Variants in NTRK3 observed in about 807,000 individuals in gnomAD.
NTRK3 encodes neurotrophic receptor tyrosine kinase 3, also known as NT-3 growth factor receptor.
A neutral mutation model predicts 91.7 loss-of-function variants in NTRK3; 24 were observed. The observed-to-expected ratio is 0.26, with a 90% CI of 0.19 to 0.37. The LOEUF is 0.37. Among genes scored for constraint, NTRK3 ranks in the 10% least tolerant of loss-of-function variants. The probability of loss-of-function intolerance (pLI) is 1.00; values close to 1 mark genes in which losing one functional copy is unlikely to be tolerated. For missense variants in NTRK3, 880 were observed against 1,068.9 expected (o/e 0.82, Z 2.46); for synonymous variants, 483 against 404.0 (o/e 1.20, Z -2.34).
At chr15:88,129,944 T>C (rs927155677) in intron 10 of NTRK3, among the ~76,000 whole-genome samples, 4 of 152,138 alleles carry the variant, frequency 2.6e-5, no homozygotes, top group African/African-American at 9.7e-5. Flanking sequence ...TCAAATATGG[T>C]TGATGTCCTT....
chr15:87,913,426 CAT>C (rs2067234667), intron 17 of NTRK3, among the ~76,000 whole-genome samples: 2 of 152,176 alleles, frequency 1.3e-5, no homozygotes, highest in South Asian at 2.1e-4. Flanking sequence ...CTCAGGATGA[CAT>C]GTGTCAGAAC....
chr15:88,136,175 C>G (rs1243784088), intron 8 of NTRK3, 135 bp from the exon 9 acceptor site: 3 of 1,162,530 alleles, frequency 2.6e-6, no homozygotes, highest in East Asian at 4.9e-5. Context: ...TGAAAGCACA[C>G]TGGCCAAATG....
intron 13 of NTRK3, among the ~76,000 whole-genome samples, chr15:88,069,117 G>C (rs1466475619): frequency 6.6e-6 from 1 of 152,172 alleles, no homozygotes; most frequent in East Asian, 1.9e-4. Context: ...TGCAGCCTCA[G>C]ATCTTGAAAC....
intron 14 of NTRK3, among the ~76,000 whole-genome samples, chr15:87,990,253 T>C (rs950369443): frequency 6.6e-6 from 1 of 152,172 alleles, no homozygotes; most frequent in African/African-American, 2.4e-5. Context: ...TCAGCCACAT[T>C]ATCTTTTCAG....
At chr15:88,139,881 G>A (rs746986287) in intron 6 of NTRK3, among the ~76,000 whole-genome samples, 1 of 126,112 alleles carries the variant, frequency 7.9e-6, no homozygotes, top group African/African-American at 2.9e-5. Flanking sequence ...TAGGAGCCCT[G>A]ACTTCAGGAG....
At chr15:88,087,160 C>T (rs933626692) in intron 13 of NTRK3, among the ~76,000 whole-genome samples, 2 of 152,174 alleles carry the variant, frequency 1.3e-5, no homozygotes, top group African/African-American at 4.8e-5. Context: ...AGCAAGCTCC[C>T]CAGAAGCAAA....
rs2151202899 is a variant in NTRK3 at position 88,136,047 on chromosome 15, A to C, written c.766-7T>G. 6.2e-7 allele frequency: 1 copy of C among 1,614,112 alleles called. No homozygotes were observed. Among genetic ancestry groups the C allele is most frequent in the South Asian group, 1.1e-5 (1 of 91,078 alleles). On this transcript the variant is annotated splice_polypyrimidine_tract_variant and splice_region_variant and intron_variant, in intron 8 of 18. Coordinates refer to ENST00000394480, the Ensembl canonical transcript of NTRK3. Reference sequence around the variant, plus strand: ...TGGTCCAGTTCAGATTGGTCTGAAAACCCCAATAAAAAGATAACAATCAGA... The same window carrying C: ...TGGTCCAGTTCAGATTGGTCTGAAACCCCCAATAAAAAGATAACAATCAGA...
rs1309563870 is a variant in NTRK3 at position 88,233,871 on chromosome 15, G to T, written c.248+22035C>A. ...CAAAGCCAGAAACATGGCTCTCAGG[G>T]CTGTGAAAACAAATCATTAAATAAG... On this transcript the variant is annotated intron_variant, in intron 3 of 18. Transcript: ENST00000394480. This position sits in a 1 kb window ranked among gnomAD's most constrained non-coding sequence, Gnocchi z 4.2. Among the ~76,000 whole-genome samples, 2 of 152,170 alleles carry T rather than the reference G, an allele frequency of 1.3e-5. No homozygotes were observed. Among genetic ancestry groups the T allele is most frequent in the African/African-American group, 2.4e-5 (1 of 41,432 alleles).
At chr15:87,974,750 G>C (rs543588470) in intron 14 of NTRK3, among the ~76,000 whole-genome samples, 1 of 152,258 alleles carries the variant, frequency 6.6e-6, no homozygotes, top group Non-Finnish European at 1.5e-5. Context: ...ACAATGAGAG[G>C]AAAGAACGTT....
chr15:88,189,949 T>G (rs1438088618), intron 3 of NTRK3, among the ~76,000 whole-genome samples: 3 of 152,174 alleles, frequency 2.0e-5, no homozygotes, highest in African/African-American at 7.2e-5. Context: ...ACTCCTCTCC[T>G]ATGCAGAAAA....
chr15:87,863,221 T>C (rs2141376109), exon 19 of NTRK3: 1 of 227,790 alleles, frequency 4.4e-6, no homozygotes, highest in East Asian at 6.3e-5. Context: ...AAGCTAGGCT[T>C]GGTAATAAAT....
intron 3 of NTRK3, among the ~76,000 whole-genome samples, chr15:88,252,329 C>T (rs754688595): frequency 5.3e-5 from 8 of 152,114 alleles, no homozygotes; most frequent in Non-Finnish European, 1.0e-4. Context: ...GCCAACATGA[C>T]GGCCAAAGCC....
intron 13 of NTRK3, among the ~76,000 whole-genome samples, chr15:88,056,200 A>T (rs867189470): frequency 1.9e-4 from 19 of 99,948 alleles, no homozygotes; most frequent in Middle Eastern, 5.2e-3. Flanking sequence ...ATATATATAT[A>T]TATTTTTTTT....
At chr15:88,256,190 G>A (rs781578330) in intron 2 of NTRK3, 22 bp from the exon 3 acceptor site, 2 of 1,470,828 alleles carry the variant, frequency 1.4e-6, no homozygotes, top group Non-Finnish European at 1.8e-6. Flanking sequence ...GAGGAGGAGA[G>A]GAGAGGGGGG....
chr15:87,916,678 G>A (rs1331478019), intron 17 of NTRK3: 2 of 664,446 alleles, frequency 3.0e-6, no homozygotes, highest in South Asian at 1.6e-5. Flanking sequence ...AGGATTAGGG[G>A]GCTAAATATT....
intron 5 of NTRK3, among the ~76,000 whole-genome samples, chr15:88,175,059 T>C (rs886802789): frequency 7.2e-5 from 11 of 152,228 alleles, no homozygotes; most frequent in African/African-American, 2.7e-4. Context: ...AATTGGGTAA[T>C]AGATTAGACA....
At chr15:88,099,874 G>A (rs368089025) in intron 13 of NTRK3, among the ~76,000 whole-genome samples, 1 of 152,162 alleles carries the variant, frequency 6.6e-6, no homozygotes, top group Non-Finnish European at 1.5e-5. Flanking sequence ...GCATGGACTA[G>A]CCCCACACAC....
chr15:88,030,499 C>T (rs192654051), intron 14 of NTRK3, among the ~76,000 whole-genome samples: 1 of 152,272 alleles, frequency 6.6e-6, no homozygotes, highest in East Asian at 1.9e-4. Flanking sequence ...AACCTGGTAT[C>T]AGGAGCTTCT....
chr15:88,033,692 TTC>T (rs917924304), intron 13 of NTRK3, among the ~76,000 whole-genome samples: 3 of 152,078 alleles, frequency 2.0e-5, no homozygotes, highest in African/African-American at 4.8e-5. Context: ...CCACCCTAAA[TTC>T]TCTTTCTTGA....
Sources: allele counts gnomAD v4.1 joint callset (sites outside exome capture counted in the v4.1 genomes callset), GRCh38; gene constraint gnomAD v4.1.1; non-coding constraint Gnocchi (gnomAD v3.1); transcripts MANE v1.5; gene names NCBI Gene and HGNC (gene_info 2026-07-23, HGNC 2026-07-21).